Variants in ERC2 observed in about 807,000 individuals in gnomAD.
The protein encoded by ERC2 is ELKS/RAB6-interacting/CAST family member 2.
In ERC2, 42 loss-of-function variants were observed where a neutral mutation model predicts 114.8. That is an observed-to-expected ratio of 0.37 (90% CI 0.29 to 0.47). The LOEUF (loss-of-function observed/expected upper bound fraction) is 0.47. Among genes scored for constraint, ERC2 ranks in the 20% least tolerant of loss-of-function variants. The pLI, the probability that ERC2 is intolerant of heterozygous loss-of-function variation, is 0.99. For missense variants in ERC2, 939 were observed against 1,150.7 expected (o/e 0.82, Z 2.66); for synonymous variants, 454 against 425.5 (o/e 1.07, Z -0.82).
intron 14 of ERC2, among the ~76,000 whole-genome samples, chr3:55,808,912 T>C (rs962643927): frequency 4.0e-5 from 6 of 150,804 alleles, no homozygotes; most frequent in African/African-American, 9.7e-5. Flanking sequence ...AAACTTGGAG[T>C]TAATAAAACC....
At chr3:55,737,877 G>A (rs1472785925) in intron 14 of ERC2, among the ~76,000 whole-genome samples, 1 of 152,070 alleles carries the variant, frequency 6.6e-6, no homozygotes, top group Non-Finnish European at 1.5e-5. Context: ...GGGAAGACAC[G>A]CTTACTGCCC....
rs867101277 is a variant in ERC2 at position 56,021,916 on chromosome 3, G to T, written c.1642-2885C>A. On this transcript the variant is annotated intron_variant, in intron 7 of 17. Coordinates refer to ENST00000288221, the MANE Select transcript of ERC2 (RefSeq NM_015576.3). ...AAGACATTATCTCATTCTTTTTTAT[G>T]GCTACATAATATTCCATGGTGTATA... Among the ~76,000 whole-genome samples, 7 of 152,074 alleles carry T rather than the reference G, an allele frequency of 4.6e-5. No homozygotes were observed. The South Asian group carries it at 1.5e-3, about 32-fold the overall frequency.
intron 14 of ERC2, among the ~76,000 whole-genome samples, chr3:55,882,003 G>A (rs112350902): frequency 2.7e-4 from 41 of 152,236 alleles, no homozygotes; most frequent in African/African-American, 9.4e-4. Flanking sequence ...ACTGAAGAAG[G>A]GTATTGCTGT....
intron 10 of ERC2, among the ~76,000 whole-genome samples, chr3:56,001,546 A>C (rs560247969): frequency 1.3e-5 from 2 of 152,280 alleles, no homozygotes; most frequent in African/African-American, 4.8e-5. Flanking sequence ...CTTTTGAATT[A>C]GTCACTGAAA....
rs76581444 is a variant in ERC2, at chr3:56,230,279, T to G, written c.1075-56759A>C. ...GAGAATATACTTCATCGTTCTTAAA[T>G]AGCATCCATCACACTATTGAGCCTT... On this transcript the variant is annotated intron_variant, in intron 3 of 17. Transcript: ENST00000288221. 9.5e-4 allele frequency among the ~76,000 whole-genome samples: 144 copies of G among 152,330 alleles called. No individual in the cohort carries two copies. The East Asian group carries it at 0.021, about 22-fold the overall frequency.
chr3:55,556,174 C>A (rs1376230189), intron 17 of ERC2, among the ~76,000 whole-genome samples: 2 of 152,230 alleles, frequency 1.3e-5, no homozygotes, highest in African/African-American at 4.8e-5. Flanking sequence ...CCTAACTCTT[C>A]ATCCAGCTTT....
At chr3:55,607,545 C>T (rs1489917024) in intron 17 of ERC2, among the ~76,000 whole-genome samples, 1 of 151,550 alleles carries the variant, frequency 6.6e-6, no homozygotes. Flanking sequence ...CTCCAATGCC[C>T]ACAATCCAGT....
chr3:56,399,889 G>C (rs1396106043), intron 2 of ERC2, among the ~76,000 whole-genome samples: 1 of 152,128 alleles, frequency 6.6e-6, no homozygotes, highest in Non-Finnish European at 1.5e-5. Flanking sequence ...ATCCAGGCTG[G>C]AGGGAAACTA....
intron 15 of ERC2, among the ~76,000 whole-genome samples, chr3:55,717,857 G>A (rs769771673): frequency 4.6e-5 from 7 of 152,180 alleles, no homozygotes; most frequent in Non-Finnish European, 8.8e-5. Context: ...TCCACAGATC[G>A]TGCAGAAGGG....
chr3:55,865,881 C>G (rs1332400333), intron 14 of ERC2, among the ~76,000 whole-genome samples: 1 of 152,122 alleles, frequency 6.6e-6, no homozygotes, highest in African/African-American at 2.4e-5. Flanking sequence ...CTTGTTTTCA[C>G]TTTTTGGCTA....
intron 14 of ERC2, among the ~76,000 whole-genome samples, chr3:55,833,677 G>A (rs1198880529): frequency 9.2e-5 from 14 of 152,132 alleles, no homozygotes; most frequent in South Asian, 2.1e-4. Context: ...AAAGACCATC[G>A]AGGCTAGGAA....
intron 14 of ERC2, among the ~76,000 whole-genome samples, chr3:55,883,714 C>T (rs549885585): frequency 2.6e-5 from 4 of 152,048 alleles, no homozygotes; most frequent in African/African-American, 7.2e-5. Context: ...AAGGTGAAAC[C>T]CTGTCTCTAC....
intron 3 of ERC2, among the ~76,000 whole-genome samples, chr3:56,212,503 G>A (rs1173936299): frequency 6.6e-6 from 1 of 152,176 alleles, no homozygotes; most frequent in Non-Finnish European, 1.5e-5. Flanking sequence ...TACACTACTG[G>A]TGGGAATGTA....
At chr3:55,935,563 T>C (rs1451546915) in intron 13 of ERC2, among the ~76,000 whole-genome samples, 1 of 152,216 alleles carries the variant, frequency 6.6e-6, no homozygotes, top group Non-Finnish European at 1.5e-5. Context: ...GGCCAAGATC[T>C]AAACACTCAG....
chr3:55,567,134 T>C lies in ERC2; in HGVS notation c.*40-55858A>G, dbSNP rs138621663. On this transcript the variant is annotated intron_variant, in intron 17 of 17. Coordinates refer to ENST00000288221, the MANE Select transcript of ERC2 (RefSeq NM_015576.3). ...GAGGGGAGGGCAGGCAATATACAAA[T>C]ATGCAAACAAGATCCTTCCCTATGG... Among the ~76,000 whole-genome samples, 508 of 152,278 alleles carry C rather than the reference T, an allele frequency of 3.3e-3. 5 individuals are homozygous for C. Among genetic ancestry groups the C allele is most frequent in the African/African-American group, 0.012 (484 of 41,554 alleles).
intron 17 of ERC2, among the ~76,000 whole-genome samples, chr3:55,554,701 G>A (rs1178135224): frequency 6.6e-6 from 1 of 152,192 alleles, no homozygotes; most frequent in Non-Finnish European, 1.5e-5. Context: ...CCAGGGGGCT[G>A]GGTTCCCATG....
At chr3:55,973,838 C>A (rs1332480601) in intron 12 of ERC2, among the ~76,000 whole-genome samples, 1 of 152,120 alleles carries the variant, frequency 6.6e-6, no homozygotes, top group Non-Finnish European at 1.5e-5. Context: ...TTAGAAAGGT[C>A]TTGTGTGTTT....
At chr3:55,535,205 G>A (rs544020914) in intron 17 of ERC2, among the ~76,000 whole-genome samples, 4 of 152,168 alleles carry the variant, frequency 2.6e-5, no homozygotes, top group Non-Finnish European at 4.4e-5. Flanking sequence ...CATCTTGCCT[G>A]ACTTGTAGTT....
intron 6 of ERC2, among the ~76,000 whole-genome samples, chr3:56,112,432 GACACACACACAC>G (rs3052551): frequency 2.0e-5 from 3 of 149,164 alleles, no homozygotes; most frequent in Admixed American, 6.7e-5. Context: ...AAGACAGACA[GACACACACACAC>G]ACACACACAC....
Sources: gnomAD v4.1 joint callset for allele counts (sites outside exome capture counted in the v4.1 genomes callset) on GRCh38, gnomAD v4.1.1 for gene constraint, MANE v1.5 for transcripts, NCBI Gene and HGNC (gene_info 2026-07-23, HGNC 2026-07-21) for gene names.